Variants in SLIT2 observed in about 807,000 individuals in gnomAD.
SLIT2 encodes the protein slit homolog 2 protein.
SLIT2 carries 41 observed loss-of-function variants against 185.7 expected under a neutral mutation model. The observed-to-expected ratio is 0.22, with a 90% CI of 0.17 to 0.29. The LOEUF (loss-of-function observed/expected upper bound fraction) is 0.29. Ranked by LOEUF, SLIT2 falls within the 10% of genes least tolerant of loss-of-function variation. The pLI, the probability that SLIT2 is intolerant of heterozygous loss-of-function variation, is 1.00. For missense variants in SLIT2, 1,571 were observed against 1,909.0 expected (o/e 0.82, Z 3.30); for synonymous variants, 693 against 680.2 (o/e 1.02, Z -0.29).
chr4:20,397,709 A>T (rs954771245), intron 4 of SLIT2, among the ~76,000 whole-genome samples: 1 of 151,800 alleles, frequency 6.6e-6, no homozygotes, highest in Non-Finnish European at 1.5e-5. Context: ...TTAATTTTTT[A>T]AATTGAGACT....
At chr4:20,397,907 C>A (rs1014292255) in intron 4 of SLIT2, among the ~76,000 whole-genome samples, 1 of 151,738 alleles carries the variant, frequency 6.6e-6, no homozygotes, top group South Asian at 2.1e-4. Flanking sequence ...AGGGAGAAGT[C>A]AAAGATGATA....
At chr4:20,554,442 G>T in intron 26 of SLIT2, 1 of 396,880 alleles carries the variant, frequency 2.5e-6, no homozygotes, top group Non-Finnish European at 5.2e-6. Context: ...TTGCTTGTTT[G>T]TATCCCTTTC....
rs559484781 is a variant in SLIT2, at chr4:20,254,702, G to A, written c.179+708G>A. ...GGGAGGACCGTGTCCCATCCGTTAA[G>A]CGAAGTTAGCACTGGTTCTCCAGCG... On this transcript the variant is annotated intron_variant, in intron 1 of 36. Coordinates refer to ENST00000504154, the MANE Select transcript of SLIT2 (RefSeq NM_004787.4). The surrounding 1 kb of genome is among the most constrained non-coding windows in gnomAD (Gnocchi z 5.1). Among the ~76,000 whole-genome samples the A allele has an allele frequency of 7.9e-5, 12 of 152,234 alleles. No individual in the cohort carries two copies. The highest frequency in any genetic ancestry group is 2.9e-4 in the African/African-American group (12 of 41,552).
intron 4 of SLIT2, among the ~76,000 whole-genome samples, chr4:20,280,485 T>C (rs1328484380): frequency 6.6e-6 from 1 of 152,082 alleles, no homozygotes; most frequent in African/African-American, 2.4e-5. Context: ...TATGAGTATG[T>C]AGTAAGTCAG....
chr4:20,401,911 C>T (rs957498624), intron 4 of SLIT2, among the ~76,000 whole-genome samples: 4 of 151,806 alleles, frequency 2.6e-5, no homozygotes, highest in African/African-American at 9.7e-5. Flanking sequence ...CGTTTTATGG[C>T]AGTTTAGAGA....
chr4:20,330,743 G>A (rs1404076075), intron 4 of SLIT2, among the ~76,000 whole-genome samples: 2 of 151,848 alleles, frequency 1.3e-5, no homozygotes, highest in Non-Finnish European at 1.5e-5. Flanking sequence ...CAACATGGGG[G>A]GAACATGGAT....
At chr4:20,542,086 A>G (rs16869739) in intron 20 of SLIT2, among the ~76,000 whole-genome samples, 16,651 of 152,206 alleles carry the variant, frequency 0.11, 1,202 homozygotes, top group East Asian at 0.34. Context: ...GCCAATGAAC[A>G]GAGAGCTAAT....
At chr4:20,269,773 CCT>C (rs1713408132) in intron 4 of SLIT2, among the ~76,000 whole-genome samples, 1 of 151,824 alleles carries the variant, frequency 6.6e-6, no homozygotes, top group South Asian at 2.1e-4. Flanking sequence ...GAGCATAGTT[CCT>C]TTTTCTGAAC....
chr4:20,554,773 TG>T, intron 26 of SLIT2, among the ~76,000 whole-genome samples: 1 of 151,686 alleles, frequency 6.6e-6, no homozygotes, highest in African/African-American at 2.4e-5. Flanking sequence ...GTTTTTTTTT[TG>T]TTTGTTTGAG....
chr4:20,259,871 G>T (rs79625960), intron 3 of SLIT2, among the ~76,000 whole-genome samples: 50 of 151,870 alleles, frequency 3.3e-4, no homozygotes, highest in African/African-American at 1.2e-3. Context: ...TTTCATATTT[G>T]TGAGGAAAAG....
At chr4:20,274,800 T>A (rs1343262405) in intron 4 of SLIT2, among the ~76,000 whole-genome samples, 1 of 151,776 alleles carries the variant, frequency 6.6e-6, no homozygotes, top group African/African-American at 2.4e-5. Context: ...CAAGTGCAAA[T>A]GTTTCTAACT....
chr4:20,533,360 C>T (rs948670827), intron 17 of SLIT2: 26 of 558,938 alleles, frequency 4.7e-5, no homozygotes, highest in Middle Eastern at 4.8e-4. Flanking sequence ...ACATGAGTCA[C>T]GCTGGCATTT....
intron 4 of SLIT2, among the ~76,000 whole-genome samples, chr4:20,457,183 T>A (rs1713169402): frequency 6.6e-6 from 1 of 151,996 alleles, no homozygotes; most frequent in African/African-American, 2.4e-5. Flanking sequence ...CAACCAGGCA[T>A]AGCATTAGGA....
At chr4:20,293,061 A>AG (rs1560290405) in intron 4 of SLIT2, among the ~76,000 whole-genome samples, 1 of 152,126 alleles carries the variant, frequency 6.6e-6, no homozygotes. Context: ...GTATAGAAAG[A>AG]GGGGGGAAAA....
At chr4:20,414,671 G>A (rs1425746891) in intron 4 of SLIT2, among the ~76,000 whole-genome samples, 1 of 152,110 alleles carries the variant, frequency 6.6e-6, no homozygotes, top group Non-Finnish European at 1.5e-5. Flanking sequence ...TCCCACCCTT[G>A]AAGAATTTCA....
At chr4:20,466,791 C>T (rs1354444224) in intron 4 of SLIT2, among the ~76,000 whole-genome samples, 2 of 152,130 alleles carry the variant, frequency 1.3e-5, no homozygotes, top group Non-Finnish European at 2.9e-5. Context: ...TTGTGAGCAT[C>T]AGTTATCCTA....
chr4:20,353,406 G>A (rs958317444), intron 4 of SLIT2, among the ~76,000 whole-genome samples: 1 of 152,068 alleles, frequency 6.6e-6, no homozygotes, highest in East Asian at 1.9e-4. Flanking sequence ...ACCATAGTAT[G>A]AAACTTAATT....
At chr4:20,316,655 G>A (rs1473166620) in intron 4 of SLIT2, among the ~76,000 whole-genome samples, 1 of 151,160 alleles carries the variant, frequency 6.6e-6, no homozygotes, top group African/African-American at 2.4e-5. Flanking sequence ...ATATAAATAT[G>A]TTTTATATAT....
chr4:20,513,521 G>A (rs1047396140), intron 11 of SLIT2, among the ~76,000 whole-genome samples: 3 of 152,154 alleles, frequency 2.0e-5, no homozygotes, highest in African/African-American at 7.2e-5. Context: ...CAAAAGAAAT[G>A]TATTGGGCCC....
Sources: gnomAD v4.1 joint callset for allele counts (sites outside exome capture counted in the v4.1 genomes callset) on GRCh38, gnomAD v4.1.1 for gene constraint, Gnocchi (gnomAD v3.1) non-coding constraint, MANE v1.5 for transcripts, NCBI Gene and HGNC (gene_info 2026-07-23, HGNC 2026-07-21) for gene names.